ARMC8: variants seen among roughly 807,000 people sequenced by gnomAD.
ARMC8 encodes the protein armadillo repeat containing 8.
ARMC8 carries 20 observed loss-of-function variants against 99.3 expected under a neutral mutation model. That is an observed-to-expected ratio of 0.20 (90% CI 0.14 to 0.29). ARMC8 has a LOEUF of 0.29. Among genes scored for constraint, ARMC8 ranks in the 10% least tolerant of loss-of-function variants. The pLI, the probability that ARMC8 is intolerant of heterozygous loss-of-function variation, is 1.00. For missense variants in ARMC8, 569 were observed against 809.5 expected, an observed-to-expected ratio of 0.70 and a Z score of 3.60; for synonymous variants, 263 against 278.3, an observed-to-expected ratio of 0.95 and a Z score of 0.55.
intron 12 of ARMC8, chr3:138,246,734 G>A: frequency 2.0e-6 from 2 of 985,394 alleles, no homozygotes; most frequent in Non-Finnish European, 2.4e-6. Context: ...CTTAATTTGT[G>A]ATATCATGTT....
rs539158545 is a variant in ARMC8, at chr3:138,289,020, AT to A, written c.1822-19del. ...CTAAAATGAGATTACCACCATTTTGATTTTTTTTTCTTTTTCTGTATTAATA... is the reference window on the plus strand; with the variant it reads ...CTAAAATGAGATTACCACCATTTTGATTTTTTTTCTTTTTCTGTATTAATA... On this transcript the variant is annotated intron_variant, in intron 19 of 21. Coordinates refer to ENST00000469044, the MANE Select transcript of ARMC8 (RefSeq NM_001363941.2). The A allele has an allele frequency of 2.4e-4, 369 of 1,568,438 alleles. 1 individual carries two copies. The highest frequency in any genetic ancestry group is 1.7e-3 in the South Asian group (145 of 87,346).
At chr3:138,228,106 A>G (rs2045790173) in intron 5 of ARMC8, among the ~76,000 whole-genome samples, 1 of 152,156 alleles carries the variant, frequency 6.6e-6, no homozygotes, top group Non-Finnish European at 1.5e-5. Context: ...CAGCCTCCCA[A>G]GTAGCTGGGA....
intron 18 of ARMC8, among the ~76,000 whole-genome samples, chr3:138,278,573 A>G (rs1200392844): frequency 6.6e-6 from 1 of 152,064 alleles, no homozygotes; most frequent in Non-Finnish European, 1.5e-5. Flanking sequence ...ACTGTATTTC[A>G]TAATTCTGTT....
chr3:138,192,935 G>A (rs7634984), intron 1 of ARMC8, among the ~76,000 whole-genome samples: 7,609 of 152,018 alleles, frequency 0.05, 633 homozygotes, highest in African/African-American at 0.17. Flanking sequence ...CTTCTTTACT[G>A]TGGTGTTTTA....
At chr3:138,294,871 GT>G (rs1455849716) in intron 21 of ARMC8, among the ~76,000 whole-genome samples, 1 of 150,464 alleles carries the variant, frequency 6.6e-6, no homozygotes. Flanking sequence ...TTTTTGGTTT[GT>G]TTTTTGGGTT....
At chr3:138,226,240 C>T (rs1031769765) in intron 5 of ARMC8, among the ~76,000 whole-genome samples, 2 of 152,156 alleles carry the variant, frequency 1.3e-5, no homozygotes, top group Admixed American at 6.5e-5. Context: ...GTGATCCACC[C>T]GCCTCGGCCT....
In ARMC8 at chr3:138,187,479, C is replaced by A; in HGVS notation, c.-76C>A. ...GCTGCCTTTAGGGAGCGGTGCCTAG[C>A]GTTGGCCAATAGTTGGCTGTCGAAA... On this transcript the variant is annotated 5_prime_UTR_variant, in exon 1 of 22. Transcript: ENST00000469044. 1 of 1,457,460 alleles carries A rather than the reference C, an allele frequency of 6.9e-7. No homozygotes were observed. The highest frequency in any genetic ancestry group is 9.3e-7 in the Non-Finnish European group (1 of 1,076,004). The allele number at this position is 1,457,460 out of a possible 1,614,324, so 90.3% of individuals were successfully genotyped here. A position where few individuals can be genotyped will look rare whatever the true frequency, so the allele number is the denominator to read the frequency against.
intron 2 of ARMC8, among the ~76,000 whole-genome samples, chr3:138,216,333 CTG>C (rs983171282): frequency 2.0e-5 from 3 of 152,074 alleles, no homozygotes; most frequent in Admixed American, 6.6e-5. Context: ...CTGAATTTTG[CTG>C]TAAGTTTTCC....
At chr3:138,250,976 C>T (rs1445296032) in intron 12 of ARMC8, among the ~76,000 whole-genome samples, 5 of 151,878 alleles carry the variant, frequency 3.3e-5, no homozygotes, top group East Asian at 1.9e-4. Context: ...AGCGAAACTC[C>T]GTCTCTACAA....
chr3:138,275,055 G>A (rs1286704942), intron 18 of ARMC8, among the ~76,000 whole-genome samples: 1 of 152,152 alleles, frequency 6.6e-6, no homozygotes, highest in Non-Finnish European at 1.5e-5. Flanking sequence ...AGGTATTAAA[G>A]TACGAAGCTG....
At chr3:138,219,692 C>T (rs1037139568) in intron 2 of ARMC8, among the ~76,000 whole-genome samples, 4 of 152,064 alleles carry the variant, frequency 2.6e-5, no homozygotes, top group African/African-American at 9.7e-5. Context: ...TTTTCCTTAT[C>T]TAGCACAGGT....
At chr3:138,210,664 G>A (rs2044641686) in intron 2 of ARMC8, among the ~76,000 whole-genome samples, 1 of 152,024 alleles carries the variant, frequency 6.6e-6, no homozygotes, top group African/African-American at 2.4e-5. Context: ...GTAATGATGA[G>A]GGCGCCCATG....
chr3:138,213,050 C>T (rs1015837357), intron 2 of ARMC8, among the ~76,000 whole-genome samples: 3 of 152,174 alleles, frequency 2.0e-5, no homozygotes, highest in African/African-American at 7.2e-5. Context: ...AGGAAGATTG[C>T]TGGAGCCTAG....
intron 1 of ARMC8, among the ~76,000 whole-genome samples, chr3:138,209,132 C>T (rs2044555271): frequency 6.6e-6 from 1 of 152,202 alleles, no homozygotes; most frequent in African/African-American, 2.4e-5. Context: ...GGCTGAGAGC[C>T]AGATTTTGTC....
At chr3:138,229,183 TGTATATGTATATGTATATGTATATATAAA>T (rs2045900417) in intron 6 of ARMC8, 173 bp downstream of exon 6, 2 of 24,704 alleles carry the variant, frequency 8.1e-5, no homozygotes, top group Admixed American at 3.7e-4. Context: ...TATATATATA[TGTATATGTATATGTATATGTATATATAAA>T]ATATATATAT....
chr3:138,218,345 A>C (rs142717931), intron 2 of ARMC8, among the ~76,000 whole-genome samples: 7 of 152,268 alleles, frequency 4.6e-5, no homozygotes, highest in African/African-American at 1.7e-4. Flanking sequence ...GATCAAAAAT[A>C]TGATTGCTCC....
chr3:138,271,815 A>G (rs1181364112), intron 16 of ARMC8, among the ~76,000 whole-genome samples: 1 of 117,502 alleles, frequency 8.5e-6, no homozygotes, highest in African/African-American at 4.5e-5. Flanking sequence ...TTTTTTTTTG[A>G]TACAGAGTCT....
chr3:138,188,012 C>A, intron 1 of ARMC8: 1 of 249,144 alleles, frequency 4.0e-6, no homozygotes, highest in Non-Finnish European at 7.8e-6. Context: ...GCCCACTCAG[C>A]TCTCCCGGGC....
chr3:138,291,685 A>G (rs2050967503), intron 21 of ARMC8, among the ~76,000 whole-genome samples: 1 of 152,234 alleles, frequency 6.6e-6, no homozygotes, highest in Non-Finnish European at 1.5e-5. Flanking sequence ...GCTAGTAAAG[A>G]TCTCTCTGAG....
Sources: gnomAD v4.1 joint callset for allele counts (sites outside exome capture counted in the v4.1 genomes callset) on GRCh38, gnomAD v4.1.1 for gene constraint, MANE v1.5 for transcripts, NCBI Gene and HGNC (gene_info 2026-07-23, HGNC 2026-07-21) for gene names.